The following FER variants were observed in gnomAD, a reference collection of about 807,000 sequenced individuals.
The protein encoded by FER is tyrosine-protein kinase Fer.
FER carries 63 observed loss-of-function variants against 111.0 expected under a neutral mutation model. The observed-to-expected ratio is 0.57, with a 90% CI of 0.46 to 0.70. The LOEUF is 0.70. Ranked by LOEUF, FER falls within the 30% of genes least tolerant of loss-of-function variation. FER has a pLI of 0.00. For missense variants in FER, 914 were observed against 954.0 expected, an observed-to-expected ratio of 0.96 and a Z score of 0.55; for synonymous variants, 327 against 313.9, an observed-to-expected ratio of 1.04 and a Z score of -0.44.
In FER at chr5:108,798,137, A is replaced by G. The variant is rs780902034; in HGVS notation, c.-46A>G. On this transcript the variant is annotated 5_prime_UTR_variant, in exon 3 of 20. An upstream open reading frame in the 5' UTR loses its in-frame stop. Coordinates refer to ENST00000281092, the MANE Select transcript of FER (RefSeq NM_005246.4). ...TTACATACACAGATATGTGCTGATT[A>G]GAAGGCTCACTTGTGCAGTGTGGAG... 3 of 1,439,440 alleles carry G rather than the reference A, an allele frequency of 2.1e-6. No homozygotes were observed. Among genetic ancestry groups the G allele is most frequent in the Non-Finnish European group, 2.9e-6 (3 of 1,024,760 alleles). 89.2% of individuals were successfully genotyped at this position (1,439,440 alleles called of 1,614,324 possible).
intron 16 of FER, among the ~76,000 whole-genome samples, chr5:109,065,164 AATTTTC>A (rs1474865487): frequency 1.3e-5 from 2 of 152,200 alleles, no homozygotes; most frequent in Admixed American, 1.3e-4. Context: ...ATCAGTATGA[AATTTTC>A]ATTTTATCAG....
intron 17 of FER, among the ~76,000 whole-genome samples, chr5:109,169,624 T>C (rs905005067): frequency 7.9e-5 from 12 of 152,184 alleles, no homozygotes; most frequent in Non-Finnish European, 1.2e-4. Flanking sequence ...CTATAAATAC[T>C]GAAAACTGTT....
chr5:108,970,053 A>G (rs1416182064), intron 13 of FER, among the ~76,000 whole-genome samples: 1 of 147,986 alleles, frequency 6.8e-6, no homozygotes, highest in Non-Finnish European at 1.5e-5. Flanking sequence ...TTTTTCCCAT[A>G]ATTTATATGA....
chr5:109,043,481 A>G (rs1196132297), intron 14 of FER, among the ~76,000 whole-genome samples: 2 of 152,214 alleles, frequency 1.3e-5, no homozygotes, highest in Non-Finnish European at 2.9e-5. Flanking sequence ...AAAATTGAAT[A>G]TAAGACTTGT....
At chr5:108,832,730 T>G (rs367775953) in intron 3 of FER, 40 bp from the exon 4 acceptor site, 5 of 1,417,464 alleles carry the variant, frequency 3.5e-6, no homozygotes, top group Non-Finnish European at 1.9e-6. Flanking sequence ...AATGGAAACC[T>G]TTAATGCAAA....
chr5:108,771,251 A>G (rs1752868605), intron 2 of FER, among the ~76,000 whole-genome samples: 1 of 152,132 alleles, frequency 6.6e-6, no homozygotes, highest in South Asian at 2.1e-4. Flanking sequence ...AGAATTTTTA[A>G]GATGTTTTCT....
intron 16 of FER, among the ~76,000 whole-genome samples, chr5:109,095,853 G>C (rs1453604040): frequency 6.6e-6 from 1 of 152,000 alleles, no homozygotes; most frequent in Non-Finnish European, 1.5e-5. Flanking sequence ...ATAATTGAAT[G>C]TAGCTAAACC....
At chr5:109,086,443 C>T (rs1252278332) in intron 16 of FER, among the ~76,000 whole-genome samples, 3 of 151,620 alleles carry the variant, frequency 2.0e-5, no homozygotes, top group African/African-American at 4.8e-5. Flanking sequence ...TGGCGGAGAA[C>T]AGTCTTCCTA....
chr5:109,129,318 G>T (rs950864763), intron 17 of FER, among the ~76,000 whole-genome samples: 2 of 152,068 alleles, frequency 1.3e-5, no homozygotes, highest in East Asian at 3.9e-4. Context: ...AGAGTTTCGT[G>T]TCACAAACAT....
rs1201528326 is a variant in FER, at chr5:108,902,330, AG to A, written c.1236+4483del. On this transcript the variant is annotated intron_variant, in intron 10 of 19. Transcript: ENST00000281092. ...GTCATATTTATTTTGCTAGGCTGGCAGTAGTACTAGTCTGAGTTTTGTTGTA... is the reference window on the plus strand; with the variant it reads ...GTCATATTTATTTTGCTAGGCTGGCATAGTACTAGTCTGAGTTTTGTTGTA... Among the ~76,000 whole-genome samples, 39 of 152,332 alleles carry A rather than the reference AG, an allele frequency of 2.6e-4. No homozygotes were observed. In the East Asian group the frequency reaches 6.8e-3, roughly 26 times the overall value.
chr5:108,944,130 C>CAG (rs1756656697), intron 10 of FER, among the ~76,000 whole-genome samples: 1 of 151,912 alleles, frequency 6.6e-6, no homozygotes, highest in South Asian at 2.1e-4. Context: ...CACACACACA[C>CAG]ACACACACAC....
chr5:108,793,937 CCT>C (rs1458926465), intron 2 of FER, among the ~76,000 whole-genome samples: 2 of 152,102 alleles, frequency 1.3e-5, no homozygotes. Flanking sequence ...AACTTTGACC[CCT>C]CTCCGCTTTT....
chr5:109,186,140 G>T (rs1758840738), intron 18 of FER, 60 bp from the exon 19 acceptor site: 36 of 1,611,680 alleles, frequency 2.2e-5, no homozygotes, highest in South Asian at 1.4e-4. Context: ...ACATAACCAG[G>T]AAGGGTCACC....
intron 17 of FER, among the ~76,000 whole-genome samples, chr5:109,128,318 G>A (rs1023465010): frequency 1.3e-5 from 2 of 151,826 alleles, no homozygotes; most frequent in Admixed American, 6.6e-5. Flanking sequence ...ACATTTGTAA[G>A]TGTAATAATG....
chr5:109,127,828 A>T (rs567218411), intron 17 of FER, among the ~76,000 whole-genome samples: 40 of 152,170 alleles, frequency 2.6e-4, no homozygotes, highest in Non-Finnish European at 4.9e-4. Flanking sequence ...AGAATCAGCC[A>T]TATGTTCAGA....
intron 9 of FER, among the ~76,000 whole-genome samples, chr5:108,893,178 A>C (rs1401138483): frequency 6.6e-6 from 1 of 152,106 alleles, no homozygotes; most frequent in East Asian, 1.9e-4. Flanking sequence ...TATGAACTTT[A>C]AAGTAGTTTT....
At chr5:108,790,518 C>A (rs1755245772) in intron 2 of FER, among the ~76,000 whole-genome samples, 1 of 152,038 alleles carries the variant, frequency 6.6e-6, no homozygotes, top group South Asian at 2.1e-4. Context: ...GCCTGAAATT[C>A]TAGGAAACTG....
At chr5:108,795,032 T>C (rs1458434491) in intron 2 of FER, among the ~76,000 whole-genome samples, 3 of 152,216 alleles carry the variant, frequency 2.0e-5, no homozygotes, top group South Asian at 4.1e-4. Context: ...GATTCCCTTT[T>C]TTGGCTGGAC....
At chr5:108,947,571 A>G (rs1264071607) in intron 11 of FER, among the ~76,000 whole-genome samples, 1 of 151,960 alleles carries the variant, frequency 6.6e-6, no homozygotes, top group African/African-American at 2.4e-5. Context: ...GTAAGAGTAT[A>G]TATTCTGAAA....
Sources: gnomAD v4.1 joint callset for allele counts (sites outside exome capture counted in the v4.1 genomes callset) on GRCh38, gnomAD v4.1.1 for gene constraint, MANE v1.5 for transcripts, NCBI Gene and HGNC (gene_info 2026-07-23, HGNC 2026-07-21) for gene names.